The following PPCS variants were observed in gnomAD, a reference collection of about 807,000 sequenced individuals.
PPCS encodes phosphopantothenoylcysteine synthetase.
In PPCS, 17 loss-of-function variants were observed where a neutral mutation model predicts 24.6. That is an observed-to-expected ratio of 0.69 (90% CI 0.47 to 1.04). The LOEUF is 1.04. PPCS is among the 50% of genes least tolerant of loss of function. PPCS has a pLI of 0.00. For synonymous variants in PPCS, 190 were observed against 168.3 expected (o/e 1.13, Z -1.00); for missense variants, 360 against 402.8 (o/e 0.89, Z 0.91).
At chr1:42,464,373 G>T (rs1390713208), downstream of PPCS, among the ~76,000 whole-genome samples, 1 of 152,148 alleles carries the variant, frequency 6.6e-6, no homozygotes, top group African/African-American at 2.4e-5. Flanking sequence ...AATGTGAAAA[G>T]GGCATTCAAA....
chr1:42,467,048 G>A, intron 2 of PPCS, among the ~76,000 whole-genome samples: 1 of 152,176 alleles, frequency 6.6e-6, no homozygotes, highest in Non-Finnish European at 1.5e-5. Flanking sequence ...AGAGTGACCT[G>A]AATGTCAAAA....
At chr1:42,473,018 A>C (rs1023900442) in intron 2 of PPCS, 1 of 1,050,174 alleles carries the variant, frequency 9.5e-7, no homozygotes. Flanking sequence ...CCTAAAGACT[A>C]GTACTCTAAT....
chr1:42,460,061 G>T lies in PPCS; in HGVS notation c.*135G>T, dbSNP rs1355158625. ...AAGGCAGTGGTGTGTAGGCAAATAT[G>T]GTTTGGCATTTGTCTTTTAATGACA... is the stretch of plus-strand genomic sequence containing the variant. On this transcript the variant is annotated 3_prime_UTR_variant, in exon 3 of 3. Coordinates refer to ENST00000372561, the MANE Select transcript of PPCS (RefSeq NM_024664.4). 1 of 1,408,962 alleles carries T rather than the reference G, an allele frequency of 7.1e-7. No individual in the cohort carries two copies. Among genetic ancestry groups the T allele is most frequent in the Admixed American group, 3.0e-5 (1 of 33,440 alleles). The allele number at this position is 1,408,962 out of a possible 1,614,324, so 87.3% of individuals were successfully genotyped here. A position where few individuals can be genotyped will look rare whatever the true frequency, so the allele number is the denominator to read the frequency against.
intron 2 of PPCS, among the ~76,000 whole-genome samples, chr1:42,466,375 T>G (rs1430231547): frequency 6.6e-6 from 1 of 152,208 alleles, no homozygotes; most frequent in Non-Finnish European, 1.5e-5. Context: ...CTCTTCTCGT[T>G]TAAAATTCTT....
downstream of PPCS, among the ~76,000 whole-genome samples, chr1:42,465,386 C>T (rs191962688): frequency 1.3e-4 from 20 of 152,004 alleles, no homozygotes; most frequent in Admixed American, 1.2e-3. Context: ...TTGTTTGAGA[C>T]GGAATTTCAC....
intron 2 of PPCS, among the ~76,000 whole-genome samples, chr1:42,470,971 A>G (rs890326801): frequency 2.6e-5 from 4 of 152,234 alleles, no homozygotes; most frequent in Non-Finnish European, 5.9e-5. Context: ...ATGTATATTT[A>G]CAACAATTAA....
intron 1 of PPCS, 57 bp from the exon 2 acceptor site, chr1:42,457,190 A>G (rs1220975944): frequency 6.2e-7 from 1 of 1,610,068 alleles, no homozygotes; most frequent in Non-Finnish European, 8.5e-7. Flanking sequence ...GTTGAGAAGG[A>G]GCTGATCCTA....
At chr1:42,473,275 T>C (rs1278281196) in exon 3 of PPCS, 2 of 1,231,362 alleles carry the variant, frequency 1.6e-6, no homozygotes, top group Middle Eastern at 3.1e-4. Context: ...GAAGAGCTTA[T>C]AGTGAAGCAC....
chr1:42,457,319 A>G lies in PPCS; in HGVS notation c.581A>G (p.His194Arg), dbSNP rs1643243370. Residue 194 changes from histidine (H) to arginine (R), a missense_variant, in exon 2 of 3, where the codon CAC (histidine) becomes CGC (arginine). By Grantham distance (29) the His-to-Arg change is conservative (BLOSUM62 0). This residue lies in a region of PPCS where 116 missense variants were observed against 168.1 expected (regional missense o/e 0.69). Transcript: ENST00000372561. Reference protein sequence around the residue: ...FYVPVSEMPEHKIQSSGGPLQ... With the variant: ...FYVPVSEMPERKIQSSGGPLQ... ...GTTCCTGTCTCTGAAATGCCTGAACACAAGATCCAGTCATCTGGGGGCCCA... is the reference window on the plus strand; with the variant it reads ...GTTCCTGTCTCTGAAATGCCTGAACGCAAGATCCAGTCATCTGGGGGCCCA... The G allele has an allele frequency of 6.2e-7, 1 of 1,614,032 alleles. No individual in the cohort carries two copies. Among genetic ancestry groups the G allele is most frequent in the Non-Finnish European group, 8.5e-7 (1 of 1,180,028 alleles).
rs575261344 is a variant in PPCS, at chr1:42,460,857, A to G, written c.*931A>G. Among the ~76,000 whole-genome samples, 1 of 152,388 alleles carries G rather than the reference A, an allele frequency of 6.6e-6. No individual in the cohort carries two copies. Among genetic ancestry groups the G allele is most frequent in the African/African-American group, 2.4e-5 (1 of 41,600 alleles). The stretch of plus-strand genomic sequence containing the variant: ...AGAAAGCATCAGTCTGGTGCCTAGC[A>G]TTTGATTCACACTCACTAAATGGTT... On this transcript the variant is annotated 3_prime_UTR_variant, in exon 3 of 3. Transcript: ENST00000372561.
At chr1:42,471,472 A>G (rs1643769322) in intron 2 of PPCS, among the ~76,000 whole-genome samples, 1 of 152,202 alleles carries the variant, frequency 6.6e-6, no homozygotes, top group South Asian at 2.1e-4. Flanking sequence ...ACATAGTTAT[A>G]ATAATACTTT....
Position 42,460,291 on chromosome 1 carries a change from G to C in PPCS, c.*365G>C. On this transcript the variant is annotated 3_prime_UTR_variant, in exon 3 of 3. Transcript: ENST00000372561. ...AAATATTGGTTGAATGCCTATGTAT[G>C]TCAGGCCCTGTGCTGAGCCATGAGG... The C allele has an allele frequency of 1.0e-6, 1 of 1,004,336 alleles. No homozygotes were observed. The highest frequency in any genetic ancestry group is 4.2e-5 in the South Asian group (1 of 23,556). 62.2% of individuals were successfully genotyped at this position (1,004,336 alleles called of 1,614,324 possible).
chr1:42,463,003 C>A (rs572141370), downstream of PPCS, among the ~76,000 whole-genome samples: 51 of 151,400 alleles, frequency 3.4e-4, no homozygotes, highest in Non-Finnish European at 5.9e-4. Flanking sequence ...CCAGCTGAGT[C>A]CTGGCGGGAA....
chr1:42,463,621 C>G (rs1282986247), downstream of PPCS: 4 of 152,146 alleles, frequency 2.6e-5, no homozygotes, highest in Non-Finnish European at 5.9e-5. Context: ...TAGGCTGCCG[C>G]TTATTATTAG....
chr1:42,472,475 T>C (rs559584635), intron 2 of PPCS, among the ~76,000 whole-genome samples: 77 of 152,144 alleles, frequency 5.1e-4, no homozygotes, highest in African/African-American at 1.7e-3. Context: ...GTGAGTAAAA[T>C]AAATCCTGGA....
chr1:42,467,092 A>G (rs1032228894), intron 2 of PPCS, among the ~76,000 whole-genome samples: 6 of 152,218 alleles, frequency 3.9e-5, no homozygotes, highest in Admixed American at 1.3e-4. Flanking sequence ...ATAGGGACCA[A>G]TAAGTATACT....
rs1433430760 is a variant in PPCS at position 42,459,709 on chromosome 1, T to C, written c.719T>C (p.Ile240Thr). Reference sequence around the variant, plus strand: ...TTGGAGACTGACCCCGCCATTGTAATTAATCGAGCTCGGAAGGCTTTGGAA... The same window carrying C: ...TTGGAGACTGACCCCGCCATTGTAACTAATCGAGCTCGGAAGGCTTTGGAA... The part of the protein sequence containing the change: ...FKLETDPAIV[I>T]NRARKALEIY... Residue 240 changes from isoleucine to threonine, a missense_variant, in exon 3 of 3, where the codon ATT becomes ACT. Physicochemically the swap from Ile to Thr is moderately conservative, Grantham distance 89. Coordinates refer to ENST00000372561, the MANE Select transcript of PPCS (RefSeq NM_024664.4). 3.7e-6 allele frequency: 6 copies of C among 1,614,198 alleles called. No individual in the cohort carries two copies. The South Asian group carries it at 6.6e-5, about 18-fold the overall frequency.
chr1:42,462,185 CTTAGA>C (rs1643431103), downstream of PPCS, among the ~76,000 whole-genome samples: 1 of 151,936 alleles, frequency 6.6e-6, no homozygotes, highest in Non-Finnish European at 1.5e-5. Context: ...ATTCAGAGCA[CTTAGA>C]TTATTTACAC....
chr1:42,465,398 C>A (rs1643541114), downstream of PPCS, among the ~76,000 whole-genome samples: 1 of 152,138 alleles, frequency 6.6e-6, no homozygotes, highest in Non-Finnish European at 1.5e-5. Flanking sequence ...GAATTTCACT[C>A]TTGTTGCCCA....
Sources: allele counts gnomAD v4.1 joint callset (sites outside exome capture counted in the v4.1 genomes callset), GRCh38; gene constraint gnomAD v4.1.1; regional missense constraint gnomAD v4.1.1; transcripts MANE v1.5; gene names NCBI Gene and HGNC (gene_info 2026-07-23, HGNC 2026-07-21).